SKIDA1: variants seen among roughly 807,000 people sequenced by gnomAD.
The protein encoded by SKIDA1 is SKI/DACH domain containing 1, also known as SKI/DACH domain-containing protein 1.
SKIDA1 carries 18 observed loss-of-function variants against 51.4 expected under a neutral mutation model. The observed-to-expected ratio is 0.35, with a 90% CI of 0.24 to 0.52. The LOEUF (loss-of-function observed/expected upper bound fraction) is 0.52, where lower values mean the gene tolerates loss of function less well. SKIDA1 is among the 20% of genes least tolerant of loss of function. The pLI is 0.95. For missense variants in SKIDA1, 1,104 were observed against 1,180.6 expected, an observed-to-expected ratio of 0.94 and a Z score of 0.95; for synonymous variants, 579 against 500.5, an observed-to-expected ratio of 1.16 and a Z score of -2.09.
chr10:21,516,730 G>C lies in SKIDA1; in HGVS notation c.1093C>G (p.His365Asp). The C allele has an allele frequency of 6.5e-7, 1 of 1,550,242 alleles. No individual in the cohort carries two copies. Reference sequence around the variant, plus strand: ...CCCAGATGGGGCTGCGGCCGGTGGTGGTGAGGGGGGTGGTGACTCTGCTGC... The same window carrying C: ...CCCAGATGGGGCTGCGGCCGGTGGTCGTGAGGGGGGTGGTGACTCTGCTGC... ...PPQQSHHPPH[H>D]HRPQPHLGSF... The change falls in exon 4 of 4, where the codon CAC becomes GAC. Residue 365 changes from histidine to aspartate, a missense_variant. Transcript: ENST00000449193. The surrounding 1 kb of genome is among the most constrained non-coding windows in gnomAD (Gnocchi z 5.7).
rs2032275030 is a variant in SKIDA1, at chr10:21,517,367, G to A, written c.456C>T (p.Ser152=). ...CGGCGCCCGGGCGCTGGGACTGCGC[G>A]CTGATTGGCAGGGGCCGCGCGGCTC... ...LSGAARPLPI[S]AQSQRPGAAA... is the part of the protein sequence containing the mutation. The change falls in exon 4 of 4, where the codon AGC becomes AGT. Residue 152 remains serine, a synonymous_variant. Transcript: ENST00000449193. This position sits in a 1 kb window ranked among gnomAD's most constrained non-coding sequence, Gnocchi z 6.9. The A allele has an allele frequency of 7.1e-7, 1 of 1,406,704 alleles. No individual in the cohort carries two copies. Among genetic ancestry groups the A allele is most frequent in the Non-Finnish European group, 9.2e-7 (1 of 1,083,448 alleles). 87.1% of individuals were successfully genotyped at this position (1,406,704 alleles called of 1,614,324 possible).
In SKIDA1 at chr10:21,517,337, G is replaced by C. The variant is rs917682434; in HGVS notation, c.486C>G (p.Ala162=). The C allele has an allele frequency of 1.6e-5, 23 of 1,422,406 alleles. No individual in the cohort carries two copies. The highest frequency in any genetic ancestry group is 6.0e-5 in the African/African-American group (4 of 66,206). 88.1% of individuals were successfully genotyped at this position (1,422,406 alleles called of 1,614,324 possible). A position where few individuals can be genotyped will look rare whatever the true frequency, so the allele number is the denominator to read the frequency against. ...GAGGTAGATGGGCGGCGGGGCGCGC[G>C]GCGGCGGCGCCCGGGCGCTGGGACT... ...SAQSQRPGAA[A]ARPAAHLPQI... is the part of the protein sequence containing the mutation. Residue 162 remains alanine (A), a synonymous_variant, in exon 4 of 4, where the codon GCC becomes GCG. Transcript: ENST00000449193. This position sits in a 1 kb window ranked among gnomAD's most constrained non-coding sequence, Gnocchi z 6.9.
Position 21,525,584 on chromosome 10 carries a change from C to G in SKIDA1, c.-2155G>C, listed in dbSNP as rs970453292. The G allele has an allele frequency of 6.6e-6, 1 of 152,206 alleles. No homozygotes were observed. The highest frequency in any genetic ancestry group is 1.5e-5 in the Non-Finnish European group (1 of 68,070). 9.4% of individuals were successfully genotyped at this position (152,206 alleles called of 1,614,324 possible). A position where few individuals can be genotyped will look rare whatever the true frequency, so the allele number is the denominator to read the frequency against. On this transcript the variant is annotated 5_prime_UTR_variant, in exon 1 of 4. Transcript: ENST00000449193. Reference sequence around the variant, plus strand: ...AGTGACACATGTTTATGTTTATAGTCCTGGTTTGTAGTAGTGTCAAGAACC... The same window carrying G: ...AGTGACACATGTTTATGTTTATAGTGCTGGTTTGTAGTAGTGTCAAGAACC...
chr10:21,523,386 C>A (rs1489969992), intron 2 of SKIDA1, among the ~76,000 whole-genome samples: 1 of 152,174 alleles, frequency 6.6e-6, no homozygotes, highest in Admixed American at 6.5e-5. Flanking sequence ...GCTCAAGAAT[C>A]TTTTAATTCC....
rs540017095 is a variant in SKIDA1 at position 21,514,999 on chromosome 10, G to A, written c.*97C>T. The A allele has an allele frequency of 2.3e-5, 30 of 1,325,340 alleles. No individual in the cohort carries two copies. In the East Asian group the frequency reaches 7.9e-4, roughly 35 times the overall value. 82.1% of individuals were successfully genotyped at this position (1,325,340 alleles called of 1,614,324 possible). ...AATGCGATAAACCAGGACTCCAAAG[G>A]GGGTGTAACACATTAATGGACTTGT... is the stretch of plus-strand genomic sequence containing the variant. On this transcript the variant is annotated 3_prime_UTR_variant, in exon 4 of 4. Coordinates refer to ENST00000449193, the MANE Select transcript of SKIDA1 (RefSeq NM_207371.4).
At position 21,516,735 on chromosome 10, in the gene SKIDA1, G is replaced by C. The variant is rs867443373; in HGVS notation, c.1088C>G (p.Pro363Arg). ...ATGGGGCTGCGGCCGGTGGTGGTGA[G>C]GGGGGTGGTGACTCTGCTGCGGCGG... is the stretch of plus-strand genomic sequence containing the variant. The part of the protein sequence containing the change: ...AQPPQQSHHP[P>R]HHHRPQPHLG... The change falls in exon 4 of 4, where the codon CCT (proline) becomes CGT (arginine). Residue 363 changes from proline to arginine, a missense_variant. Physicochemically the swap from Pro to Arg is moderately radical, Grantham distance 103. Transcript: ENST00000449193. The surrounding 1 kb of genome is among the most constrained non-coding windows in gnomAD (Gnocchi z 5.7). 1.3e-6 allele frequency: 2 copies of C among 1,549,556 alleles called. No individual in the cohort carries two copies. Among genetic ancestry groups the C allele is most frequent in the South Asian group, 2.4e-5 (2 of 83,920 alleles).
Position 21,515,908 on chromosome 10 carries a change from G to C in SKIDA1, c.1915C>G (p.Leu639Val). 1 of 1,613,978 alleles carries C rather than the reference G, an allele frequency of 6.2e-7. No homozygotes were observed. Among genetic ancestry groups the C allele is most frequent in the South Asian group, 1.1e-5 (1 of 91,076 alleles). ...EANSEKYSKI[L>V]HCPEFATDLP... ...TCCGTAGCAAATTCAGGACAATGAA[G>C]GATTTTGGAATATTTTTCTGAATTT... Residue 639 changes from leucine to valine, a missense_variant, in exon 4 of 4, where the codon CTT (leucine) becomes GTT (valine). Coordinates refer to ENST00000449193, the MANE Select transcript of SKIDA1 (RefSeq NM_207371.4).
Position 21,516,901 on chromosome 10 carries a change from C to G in SKIDA1, c.922G>C (p.Ala308Pro). Residue 308 changes from alanine (A) to proline (P), a missense_variant, in exon 4 of 4, where the codon GCG becomes CCG. Physicochemically the swap from Ala to Pro is conservative, Grantham distance 27. Transcript: ENST00000449193. The surrounding 1 kb of genome is among the most constrained non-coding windows in gnomAD (Gnocchi z 5.7). ...GCCGCCGCCGCCGCTGCCGCCGCCG[C>G]CGCCGCCGCCGCCGCCTTGGCTTTG... Reference protein sequence around the residue: ...SYKAKAAAAAAAAAAAAAAAA... With the variant: ...SYKAKAAAAAPAAAAAAAAAA... 5 of 1,151,320 alleles carry G rather than the reference C, an allele frequency of 4.3e-6. No homozygotes were observed. Among genetic ancestry groups the G allele is most frequent in the East Asian group, 4.5e-5 (1 of 22,296 alleles). 71.3% of individuals were successfully genotyped at this position (1,151,320 alleles called of 1,614,324 possible).
At position 21,518,555 on chromosome 10, in the gene SKIDA1, C is replaced by G. The variant is rs1032168655; in HGVS notation, c.-733G>C. 6.0e-5 allele frequency: 10 copies of G among 165,454 alleles called. No homozygotes were observed. Among genetic ancestry groups the G allele is most frequent in the African/African-American group, 2.2e-4 (9 of 40,974 alleles). The allele number at this position is 165,454 out of a possible 1,614,324, so 10.2% of individuals were successfully genotyped here. ...GCTTAAGGGAGAAAAAAAAAAAAAC[C>G]GCACCGTATATTCGCCTTTAAAGAA... On this transcript the variant is annotated 5_prime_UTR_variant, in exon 4 of 4. Coordinates refer to ENST00000449193, the MANE Select transcript of SKIDA1 (RefSeq NM_207371.4).
intron 2 of SKIDA1, among the ~76,000 whole-genome samples, chr10:21,522,561 T>C (rs1418316325): frequency 6.6e-6 from 1 of 152,234 alleles, no homozygotes; most frequent in East Asian, 1.9e-4. Flanking sequence ...TAGCTAAGTT[T>C]ATCTAATATC....
At chr10:21,520,305 C>T (rs774875842) in intron 3 of SKIDA1, among the ~76,000 whole-genome samples, 11 of 152,128 alleles carry the variant, frequency 7.2e-5, no homozygotes, top group African/African-American at 1.7e-4. Flanking sequence ...TCACAGGAGA[C>T]AAAATGCACA....
In SKIDA1 at chr10:21,516,617, C is replaced by T. The variant is rs2131271547; in HGVS notation, c.1206G>A (p.Leu402=). ...AGGACACAGAATTGCTGGAGCTGGACAAACTGGAGCCAAAATCCGAGTCGT... is the reference window on the plus strand; with the variant it reads ...AGGACACAGAATTGCTGGAGCTGGATAAACTGGAGCCAAAATCCGAGTCGT... ...AANDSDFGSS[L]SSSSNSVSSE... Residue 402 remains leucine (L), a synonymous_variant, in exon 4 of 4, where the codon TTG becomes TTA. Coordinates refer to ENST00000449193, the MANE Select transcript of SKIDA1 (RefSeq NM_207371.4). The surrounding 1 kb of genome is among the most constrained non-coding windows in gnomAD (Gnocchi z 5.7). 1 of 1,551,858 alleles carries T rather than the reference C, an allele frequency of 6.4e-7. No homozygotes were observed.
rs2032520774 is a variant in SKIDA1 at position 21,523,881 on chromosome 10, A to T, written c.-2117-10T>A. ...TGCAGCTACTGGGAACCTACAAAAA[A>T]GCGGGAGATAAAAAAAAAAAAAAAA... On this transcript the variant is annotated splice_polypyrimidine_tract_variant and intron_variant, in intron 1 of 3. Transcript: ENST00000449193. 6.7e-6 allele frequency: 1 copy of T among 148,230 alleles called. No individual in the cohort carries two copies. Among genetic ancestry groups the T allele is most frequent in the African/African-American group, 2.6e-5 (1 of 38,932 alleles). The allele number at this position is 148,230 out of a possible 1,614,324, so 9.2% of individuals were successfully genotyped here.
rs1319331049 is a variant in SKIDA1 at position 21,515,535 on chromosome 10, G to A, written c.2288C>T (p.Ser763Phe). 3 of 1,614,010 alleles carry A rather than the reference G, an allele frequency of 1.9e-6. No homozygotes were observed. Among genetic ancestry groups the A allele is most frequent in the East Asian group, 4.5e-5 (2 of 44,890 alleles). ...ATATTCCCCATCCTCAGGTTTTGGAGAACCTAAAGTGCATGAAAGGCCCTG... is the reference window on the plus strand; with the variant it reads ...ATATTCCCCATCCTCAGGTTTTGGAAAACCTAAAGTGCATGAAAGGCCCTG... ...QSQGLSCTLG[S>F]PKPEDGEYKF... Residue 763 changes from serine to phenylalanine, a missense_variant, in exon 4 of 4, where the codon TCT becomes TTT. Transcript: ENST00000449193.
chr10:21,516,605 G>C lies in SKIDA1; in HGVS notation c.1218C>G (p.Ser406Arg). 1.3e-6 allele frequency: 2 copies of C among 1,551,816 alleles called. No individual in the cohort carries two copies. The highest frequency in any genetic ancestry group is 1.7e-6 in the Non-Finnish European group (2 of 1,147,082). ...CCTCTTCCTCTGAGGACACAGAATT[G>C]CTGGAGCTGGACAAACTGGAGCCAA... ...SDFGSSLSSS[S>R]NSVSSEEEEE... Residue 406 changes from serine to arginine, a missense_variant, in exon 4 of 4, where the codon AGC becomes AGG. By Grantham distance (110) the Ser-to-Arg change is moderately radical (BLOSUM62 -1). Coordinates refer to ENST00000449193, the MANE Select transcript of SKIDA1 (RefSeq NM_207371.4). This position sits in a 1 kb window ranked among gnomAD's most constrained non-coding sequence, Gnocchi z 5.7.
rs10707268 is a variant in SKIDA1 at position 21,518,540 on chromosome 10, GAAAAA to G, written c.-723_-719del. On this transcript the variant is annotated 5_prime_UTR_variant, in exon 4 of 4. The change creates a premature stop within an existing upstream ORF in the 5' untranslated region. Coordinates refer to ENST00000449193, the MANE Select transcript of SKIDA1 (RefSeq NM_207371.4). ...AAGCAGTGTGTGTACGCTTAAGGGA[GAAAAA>G]AAAAAAAACCGCACCGTATATTCGC... 742 of 154,162 alleles carry G rather than the reference GAAAAA, an allele frequency of 4.8e-3. 4 individuals carry two copies. The highest frequency in any genetic ancestry group is 3.5e-3 in the Non-Finnish European group (228 of 64,836). The allele number at this position is 154,162 out of a possible 1,614,324, so 9.5% of individuals were successfully genotyped here.
Position 21,516,906 on chromosome 10 carries a change from G to GAAAATAAGCAGGGT in SKIDA1, c.916_917insACCCTGCTTATTTT (p.Ala306AspfsTer245). On this transcript the variant is annotated frameshift_variant, in exon 4 of 4. Coordinates refer to ENST00000449193, the MANE Select transcript of SKIDA1 (RefSeq NM_207371.4). LOFTEE classifies it high-confidence loss of function. The surrounding 1 kb of genome is among the most constrained non-coding windows in gnomAD (Gnocchi z 5.7). ...CGCCGCCGCTGCCGCCGCCGCCGCC[G>GAAAATAAGCAGGGT]CCGCCGCCGCCTTGGCTTTGTAGGA... 3.5e-6 allele frequency: 4 copies of GAAAATAAGCAGGGT among 1,141,806 alleles called. No individual in the cohort carries two copies. The highest frequency in any genetic ancestry group is 4.3e-6 in the Non-Finnish European group (4 of 936,684). 70.7% of individuals were successfully genotyped at this position (1,141,806 alleles called of 1,614,324 possible).
In SKIDA1 at chr10:21,516,768, CGGTGGT is replaced by C. The variant is rs770117846; in HGVS notation, c.1049_1054del (p.His350_His351del). 6 of 1,538,362 alleles carry C rather than the reference CGGTGGT, an allele frequency of 3.9e-6. No individual in the cohort carries two copies. The highest frequency in any genetic ancestry group is 4.4e-6 in the Non-Finnish European group (5 of 1,142,710). On this transcript the variant is annotated inframe_deletion, in exon 4 of 4. Coordinates refer to ENST00000449193, the MANE Select transcript of SKIDA1 (RefSeq NM_207371.4). The surrounding 1 kb of genome is among the most constrained non-coding windows in gnomAD (Gnocchi z 5.7). ...GTGACTCTGCTGCGGCGGCTGGGCC[CGGTGGT>C]GGTGGTGGTGGTGGTGATGGTGGTG...
At position 21,523,817 on chromosome 10, in the gene SKIDA1, C is replaced by T. The variant is rs182818355; in HGVS notation, c.-2063G>A. ...TGTTCCCCTGGCTTCAGCCCAAATC[C>T]TTCTGGGAGCACTGGAGCCAATCAC... On this transcript the variant is annotated 5_prime_UTR_variant, in exon 2 of 4. Transcript: ENST00000449193. 1.1e-4 allele frequency: 16 copies of T among 151,832 alleles called. No homozygotes were observed. Among genetic ancestry groups the T allele is most frequent in the Admixed American group, 9.2e-4 (14 of 15,232 alleles). 9.4% of individuals were successfully genotyped at this position (151,832 alleles called of 1,614,324 possible). A position where few individuals can be genotyped will look rare whatever the true frequency, so the allele number is the denominator to read the frequency against.
Sources: allele counts gnomAD v4.1 joint callset (sites outside exome capture counted in the v4.1 genomes callset), GRCh38; gene constraint gnomAD v4.1.1; non-coding constraint Gnocchi (gnomAD v3.1); transcripts MANE v1.5; gene names NCBI Gene and HGNC (gene_info 2026-07-23, HGNC 2026-07-21).